ADAMTS2: variants seen among roughly 807,000 people sequenced by gnomAD.
The protein encoded by ADAMTS2 is A disintegrin and metalloproteinase with thrombospondin motifs 2.
In ADAMTS2, 50 loss-of-function variants were observed where a neutral mutation model predicts 123.0. The observed-to-expected ratio is 0.41, with a 90% CI of 0.32 to 0.51. The LOEUF (loss-of-function observed/expected upper bound fraction) is 0.51, where lower values mean the gene tolerates loss of function less well. Ranked by LOEUF, ADAMTS2 falls within the 20% of genes least tolerant of loss-of-function variation. ADAMTS2 has a pLI of 0.35. For synonymous variants in ADAMTS2, 678 were observed against 695.4 expected (o/e 0.98, Z 0.39); for missense variants, 1,494 against 1,705.2 (o/e 0.88, Z 2.18).
At chr5:179,304,070 C>G (rs543044298) in intron 2 of ADAMTS2, among the ~76,000 whole-genome samples, 1 of 152,174 alleles carries the variant, frequency 6.6e-6, no homozygotes, top group Non-Finnish European at 1.5e-5. Context: ...AGGTCCCAGA[C>G]GTGCCACTGG....
intron 5 of ADAMTS2, among the ~76,000 whole-genome samples, chr5:179,164,667 T>C (rs1246241606): frequency 2.6e-5 from 4 of 152,212 alleles, no homozygotes; most frequent in African/African-American, 7.2e-5. Flanking sequence ...CTGTTTTGCT[T>C]TGGGAGCTCT....
chr5:179,229,807 G>A (rs1414058249), intron 3 of ADAMTS2, among the ~76,000 whole-genome samples: 1 of 152,170 alleles, frequency 6.6e-6, no homozygotes, highest in African/African-American at 2.4e-5. Flanking sequence ...AGTACCTTAT[G>A]GGAAATCGTA....
chr5:179,221,613 T>C (rs1268630004), intron 3 of ADAMTS2, among the ~76,000 whole-genome samples: 3 of 152,100 alleles, frequency 2.0e-5, no homozygotes, highest in Admixed American at 6.5e-5. Flanking sequence ...CATGCCCTGA[T>C]GTCCCATCCT....
Position 179,153,575 on chromosome 5 carries a change from C to T in ADAMTS2, c.1431G>A (p.Ala477=), listed in dbSNP as rs147259971. The part of the protein sequence containing the change: ...LDDPFAHDWP[A]LPQLPGLHYS... ...AGTGCAGTCCCGGGAGCTGGGGCAG[C>T]GCCGGCCAGTCGTGGGCGAAGGGGT... Residue 477 remains alanine (A), a synonymous_variant, in exon 9 of 22, where the codon GCG becomes GCA. Transcript: ENST00000251582. The T allele has an allele frequency of 3.4e-4, 539 of 1,608,706 alleles. No individual in the cohort carries two copies. The highest frequency in any genetic ancestry group is 3.2e-4 in the Non-Finnish European group (378 of 1,179,754).
intron 3 of ADAMTS2, among the ~76,000 whole-genome samples, chr5:179,252,165 G>A (rs544201780): frequency 4.6e-4 from 70 of 151,792 alleles, no homozygotes; most frequent in Non-Finnish European, 8.2e-4. Context: ...ATGCCACCAC[G>A]TGTAGCTAAT....
At chr5:179,174,847 C>T (rs13166764) in intron 5 of ADAMTS2, among the ~76,000 whole-genome samples, 36 of 67,822 alleles carry the variant, frequency 5.3e-4, no homozygotes, top group Middle Eastern at 9.8e-3. Flanking sequence ...CATTCTTGAC[C>T]ATTCATGTTC....
At chr5:179,133,155 G>A (rs992311299) in intron 13 of ADAMTS2, among the ~76,000 whole-genome samples, 1 of 152,168 alleles carries the variant, frequency 6.6e-6, no homozygotes, top group African/African-American at 2.4e-5. Flanking sequence ...GGCAGTTTCC[G>A]TCTGGGCCCC....
chr5:179,180,390 C>T lies in ADAMTS2; in HGVS notation c.975+682G>A, dbSNP rs918710353. Among the ~76,000 whole-genome samples, 1 of 152,194 alleles carries T rather than the reference C, an allele frequency of 6.6e-6. No homozygotes were observed. The highest frequency in any genetic ancestry group is 1.5e-5 in the Non-Finnish European group (1 of 68,030). On this transcript the variant is annotated intron_variant, in intron 5 of 21. Transcript: ENST00000251582. This position sits in a 1 kb window ranked among gnomAD's most constrained non-coding sequence, Gnocchi z 4.6. The stretch of plus-strand genomic sequence containing the variant: ...AGGAGAGGAGGCCACAGATTTAATA[C>T]GGGGGCAGAAGTCCAAGGGAGGGTC...
chr5:179,156,967 T>TC (rs931901182), intron 6 of ADAMTS2, among the ~76,000 whole-genome samples: 6 of 145,412 alleles, frequency 4.1e-5, no homozygotes, highest in Admixed American at 6.8e-5. Context: ...TTTTCTTTTT[T>TC]TTTTTTTTTT....
At chr5:179,178,512 G>T (rs745983869) in intron 5 of ADAMTS2, among the ~76,000 whole-genome samples, 8 of 152,236 alleles carry the variant, frequency 5.3e-5, no homozygotes, top group Non-Finnish European at 8.8e-5. Context: ...CAGCTTCCTA[G>T]TGGGCAGATG....
In ADAMTS2 at chr5:179,126,270, G is replaced by A. The variant is rs1008528078; in HGVS notation, c.2618-140C>T. The stretch of plus-strand genomic sequence containing the variant: ...TGACAATAAGGGTGGGCAGGGCACC[G>A]AGCCTGCGGCTGGCTGGGGGGAGGC... On this transcript the variant is annotated intron_variant, in intron 17 of 21. Transcript: ENST00000251582. The A allele has an allele frequency of 2.7e-5, 34 of 1,269,562 alleles. No homozygotes were observed. In the East Asian group the frequency reaches 4.0e-4, roughly 15 times the overall value. 78.6% of individuals were successfully genotyped at this position (1,269,562 alleles called of 1,614,324 possible).
intron 3 of ADAMTS2, among the ~76,000 whole-genome samples, chr5:179,215,589 T>A (rs467320): frequency 0.24 from 37,201 of 151,996 alleles, 4,612 homozygotes; most frequent in Admixed American, 0.27. Context: ...TAAAGAAATT[T>A]AAAAAAAATT....
intron 3 of ADAMTS2, among the ~76,000 whole-genome samples, chr5:179,267,293 C>A (rs1766400513): frequency 6.6e-6 from 1 of 152,248 alleles, no homozygotes; most frequent in Admixed American, 6.5e-5. Flanking sequence ...CATGGAGGAG[C>A]TGCCCAGTGC....
At chr5:179,178,844 C>A (rs1281142314) in intron 5 of ADAMTS2, among the ~76,000 whole-genome samples, 2 of 152,214 alleles carry the variant, frequency 1.3e-5, no homozygotes, top group Non-Finnish European at 2.9e-5. Flanking sequence ...AAGGAAGAAG[C>A]TTTTGGAAAA....
rs66853431 is a variant in ADAMTS2 at position 179,138,129 on chromosome 5, TCAG to T, written c.1776-188_1776-186del. Among the ~76,000 whole-genome samples the T allele has an allele frequency of 0.02, 2,987 of 152,288 alleles. 114 individuals carry two copies. Among genetic ancestry groups the T allele is most frequent in the African/African-American group, 0.068 (2,840 of 41,546 alleles). On this transcript the variant is annotated intron_variant, in intron 11 of 21. Coordinates refer to ENST00000251582, the MANE Select transcript of ADAMTS2 (RefSeq NM_014244.5). ...AAGACCTGGGCAGTTGTCCAGCCTG[TCAG>T]GCCTCAGAGTGAAGCTCTTGAAAGG...
intron 3 of ADAMTS2, among the ~76,000 whole-genome samples, chr5:179,271,660 A>G (rs1766536537): frequency 6.6e-6 from 1 of 152,244 alleles, no homozygotes. Flanking sequence ...TGTCTGCAGC[A>G]TAGCAGACGC....
Position 179,262,114 on chromosome 5 carries a change from C to T in ADAMTS2, c.688+10797G>A, listed in dbSNP as rs540681304. ...CCAGGGCAGTGCAGAGCAGTGGAAG[C>T]GGGCAGCTGTGGAGTCAGAGTGATG... On this transcript the variant is annotated intron_variant, in intron 3 of 21. Coordinates refer to ENST00000251582, the MANE Select transcript of ADAMTS2 (RefSeq NM_014244.5). The surrounding 1 kb of genome is among the most constrained non-coding windows in gnomAD (Gnocchi z 5.9). Among the ~76,000 whole-genome samples, 5 of 152,240 alleles carry T rather than the reference C, an allele frequency of 3.3e-5. No individual in the cohort carries two copies. Among genetic ancestry groups the T allele is most frequent in the East Asian group, 3.9e-4 (2 of 5,182 alleles).
intron 4 of ADAMTS2, among the ~76,000 whole-genome samples, chr5:179,190,887 C>T (rs1725439963): frequency 6.6e-6 from 1 of 152,290 alleles, no homozygotes; most frequent in African/African-American, 2.4e-5. Context: ...GAACAGCTTG[C>T]ACATGCCCCT....
rs562665561 is a variant in ADAMTS2 at position 179,308,864 on chromosome 5, C to G, written c.534+34903G>C. Among the ~76,000 whole-genome samples the G allele has an allele frequency of 4.6e-5, 7 of 152,332 alleles. No individual in the cohort carries two copies. Among genetic ancestry groups the G allele is most frequent in the Non-Finnish European group, 1.0e-4 (7 of 68,028 alleles). On this transcript the variant is annotated intron_variant, in intron 2 of 21. Transcript: ENST00000251582. The surrounding 1 kb of genome is among the most constrained non-coding windows in gnomAD (Gnocchi z 6.6). ...GCTGGGAGCCAGACAGCCACTGAAGCCCTCGGGGTACTGTTCCCTGCCTTT... is the reference window on the plus strand; with the variant it reads ...GCTGGGAGCCAGACAGCCACTGAAGGCCTCGGGGTACTGTTCCCTGCCTTT...
Sources: gnomAD v4.1 joint callset for allele counts (sites outside exome capture counted in the v4.1 genomes callset) on GRCh38, gnomAD v4.1.1 for gene constraint, Gnocchi (gnomAD v3.1) non-coding constraint, MANE v1.5 for transcripts, NCBI Gene and HGNC (gene_info 2026-07-23, HGNC 2026-07-21) for gene names.